The following CALN1 variants were observed in gnomAD, a reference collection of about 807,000 sequenced individuals.
The protein encoded by CALN1 is calcium-binding protein 8.
A neutral mutation model predicts 30.6 loss-of-function variants in CALN1; 17 were observed. The observed-to-expected ratio is 0.56, with a 90% confidence interval of 0.38 to 0.83. CALN1 has a LOEUF of 0.83. CALN1 is among the 40% of genes least tolerant of loss of function. The pLI is 0.00. For synonymous variants in CALN1, 156 were observed against 131.4 expected (o/e 1.19, Z -1.28); for missense variants, 291 against 354.9 (o/e 0.82, Z 1.45).
intron 3 of CALN1, among the ~76,000 whole-genome samples, chr7:72,145,651 T>G (rs369619852): frequency 2.0e-5 from 3 of 152,156 alleles, no homozygotes; most frequent in Admixed American, 6.6e-5. Context: ...TACCAAAGCC[T>G]GGCAGAGACA....
At chr7:72,150,361 C>CAAGGTCCCA (rs1326216746) in intron 3 of CALN1, among the ~76,000 whole-genome samples, 1 of 152,186 alleles carries the variant, frequency 6.6e-6, no homozygotes. Context: ...AGAAGCCAGG[C>CAAGGTCCCA]AAGGTCCCTG....
intron 5 of CALN1, among the ~76,000 whole-genome samples, chr7:71,945,627 G>A (rs537101631): frequency 3.3e-5 from 5 of 152,292 alleles, no homozygotes; most frequent in East Asian, 3.9e-4. Context: ...AACTGCACAC[G>A]CGAGGGATCT....
At chr7:71,912,192 A>G (rs1794459182) in intron 5 of CALN1, among the ~76,000 whole-genome samples, 1 of 152,044 alleles carries the variant, frequency 6.6e-6, no homozygotes, top group Admixed American at 6.6e-5. Context: ...TGGCCGGCCA[A>G]ACAGAACGGA....
chr7:72,068,271 T>C (rs1021292335), intron 4 of CALN1, among the ~76,000 whole-genome samples: 3 of 152,210 alleles, frequency 2.0e-5, no homozygotes, highest in African/African-American at 7.2e-5. Flanking sequence ...TCATCAAATA[T>C]TAACAGAGAT....
chr7:72,182,307 A>G (rs1393676641), intron 3 of CALN1, among the ~76,000 whole-genome samples: 2 of 152,210 alleles, frequency 1.3e-5, no homozygotes, highest in Non-Finnish European at 2.9e-5. Context: ...GCAATGTGTT[A>G]CCAGACAACT....
chr7:72,307,212 G>A (rs567112045), intron 2 of CALN1, among the ~76,000 whole-genome samples: 1 of 152,242 alleles, frequency 6.6e-6, no homozygotes, highest in Non-Finnish European at 1.5e-5. Context: ...CTTCATTTTG[G>A]CCAATTAACA....
intron 6 of CALN1, among the ~76,000 whole-genome samples, chr7:71,807,153 G>A (rs1035316950): frequency 6.6e-6 from 1 of 152,192 alleles, no homozygotes; most frequent in Non-Finnish European, 1.5e-5. Context: ...GGAGGTGGAA[G>A]CAATGCAGCT....
chr7:71,945,956 A>T (rs1292942067), intron 5 of CALN1, among the ~76,000 whole-genome samples: 1 of 152,178 alleles, frequency 6.6e-6, no homozygotes, highest in Non-Finnish European at 1.5e-5. Context: ...AGTTCAGAGA[A>T]GTTAGGGCAG....
At chr7:72,132,656 T>C (rs1435981160) in intron 3 of CALN1, among the ~76,000 whole-genome samples, 2 of 152,208 alleles carry the variant, frequency 1.3e-5, no homozygotes, top group African/African-American at 2.4e-5. Context: ...GAAAAAATTA[T>C]ATCAACATAT....
chr7:72,353,478 A>T (rs1356897655), intron 2 of CALN1, among the ~76,000 whole-genome samples: 1 of 152,228 alleles, frequency 6.6e-6, no homozygotes, highest in South Asian at 2.1e-4. Flanking sequence ...AGAAAAAATT[A>T]CAATCATCCT....
chr7:71,947,042 G>A (rs1032741249), intron 5 of CALN1, among the ~76,000 whole-genome samples: 11 of 152,010 alleles, frequency 7.2e-5, no homozygotes, highest in South Asian at 2.1e-4. Flanking sequence ...ACAGAGTCTC[G>A]CTCTGCCACC....
chr7:72,364,994 A>G (rs1262851725), intron 2 of CALN1, among the ~76,000 whole-genome samples: 1 of 151,598 alleles, frequency 6.6e-6, no homozygotes, highest in Non-Finnish European at 1.5e-5. Context: ...ACATGGTGAA[A>G]CCCAGTCTCT....
At chr7:72,308,452 T>C (rs1799818211) in intron 2 of CALN1, among the ~76,000 whole-genome samples, 1 of 149,196 alleles carries the variant, frequency 6.7e-6, no homozygotes, top group South Asian at 2.1e-4. Context: ...CACCAAAGCT[T>C]GAGCTGCTTG....
At chr7:71,961,117 CT>C (rs1797229309) in intron 5 of CALN1, among the ~76,000 whole-genome samples, 2 of 152,064 alleles carry the variant, frequency 1.3e-5, no homozygotes, top group African/African-American at 4.8e-5. Context: ...GCTCATAAGA[CT>C]TTTTATCTTA....
rs191955252 is a variant in CALN1, at chr7:71,824,852, T to C, written c.502-14360A>G. Among the ~76,000 whole-genome samples, 58 of 152,300 alleles carry C rather than the reference T, an allele frequency of 3.8e-4. 1 individual carries two copies. In the East Asian group the frequency reaches 8.3e-3, roughly 22 times the overall value. ...CAGAATTGGTTGCAGTGCACCACAA[T>C]AGTAACTCCTGTTATCTGGGGTCTC... On this transcript the variant is annotated intron_variant, in intron 5 of 6. Transcript: ENST00000395275.
At chr7:72,397,710 T>TCACACACACACACA (rs1286894513) in intron 2 of CALN1, among the ~76,000 whole-genome samples, 125 of 57,320 alleles carry the variant, frequency 2.2e-3, no homozygotes, top group Admixed American at 4.6e-3. Context: ...GCACCCATTC[T>TCACACACACACACA]CTCTCACACA....
intron 2 of CALN1, chr7:72,336,847 A>T (rs1016976303): frequency 1.0e-6 from 1 of 984,618 alleles, no homozygotes; most frequent in Non-Finnish European, 1.2e-6. Flanking sequence ...TCACACCCCC[A>T]GCAGGCAGCC....
chr7:72,161,445 G>C (rs1037083450), intron 3 of CALN1, among the ~76,000 whole-genome samples: 2 of 152,188 alleles, frequency 1.3e-5, no homozygotes, highest in African/African-American at 4.8e-5. Context: ...ATCCAAGGTA[G>C]TGGCTTTCTA....
intron 4 of CALN1, among the ~76,000 whole-genome samples, chr7:72,070,680 G>A (rs1185704612): frequency 1.3e-5 from 2 of 152,174 alleles, no homozygotes; most frequent in Non-Finnish European, 2.9e-5. Context: ...GGACCACAAG[G>A]TATTAATTTC....
Sources: allele counts gnomAD v4.1 joint callset (sites outside exome capture counted in the v4.1 genomes callset), GRCh38; gene constraint gnomAD v4.1.1; transcripts MANE v1.5; gene names NCBI Gene and HGNC (gene_info 2026-07-23, HGNC 2026-07-21).